ARL17A: variants seen among roughly 807,000 people sequenced by gnomAD.
ARL17A encodes the protein ARF like GTPase 17A, also known as ADP-ribosylation factor-like 17-like.
chr17:46,539,371 GA>G (rs2054848026), intron 3 of ARL17A, among the ~76,000 whole-genome samples: 1 of 136,368 alleles, frequency 7.3e-6, no homozygotes, highest in African/African-American at 2.8e-5. Context: ...CCTCCTCTTA[GA>G]TTTATTCCTT....
the ARL17A span, among the ~76,000 whole-genome samples, chr17:46,501,598 T>G: frequency 6.6e-6 from 1 of 151,262 alleles, no homozygotes; most frequent in African/African-American, 2.5e-5. Context: ...TATTTGGAAC[T>G]CCCTTCAGTT....
rs1314544237 is a variant in ARL17A at position 46,568,984 on chromosome 17, C to G, written c.259+1775G>C. Among the ~76,000 whole-genome samples the G allele has an allele frequency of 3.1e-5, 4 of 130,596 alleles. No individual in the cohort carries two copies. The East Asian group carries it at 6.4e-4, about 21-fold the overall frequency. The allele number at this position is 130,596 out of a possible 152,430, so 85.7% of individuals were successfully genotyped here. On this transcript the variant is annotated intron_variant, in intron 3 of 3. Coordinates refer to ENST00000336125, the MANE Select transcript of ARL17A (RefSeq NM_001113738.2). ...TTGAGATGGAGTCTCGCCCTGTCGCCCAGGCTGGGGTGCAATGGCGCAATC... is the reference window on the plus strand; with the variant it reads ...TTGAGATGGAGTCTCGCCCTGTCGCGCAGGCTGGGGTGCAATGGCGCAATC...
chr17:46,548,795 C>T (rs1285545954), downstream of ARL17A: 3 of 1,611,804 alleles, frequency 1.9e-6, no homozygotes, highest in Non-Finnish European at 2.5e-6. Context: ...CAGCCCCACA[C>T]ACAGCAGGGG....
chr17:46,502,131 CTT>C, the ARL17A span, among the ~76,000 whole-genome samples: 1 of 151,106 alleles, frequency 6.6e-6, no homozygotes, highest in Non-Finnish European at 1.5e-5. Context: ...ACTTCATAAG[CTT>C]TAGATTTTGA....
chr17:46,500,746 T>C, the ARL17A span, among the ~76,000 whole-genome samples: 1 of 151,244 alleles, frequency 6.6e-6, no homozygotes, highest in African/African-American at 2.5e-5. Flanking sequence ...TAGCAAAGTT[T>C]GAAGATAACT....
intron 4 of ARL17A, among the ~76,000 whole-genome samples, chr17:46,532,797 T>C (rs1222450864): frequency 6.7e-6 from 1 of 149,128 alleles, no homozygotes; most frequent in Non-Finnish European, 1.5e-5. Context: ...TTTCTAGTTT[T>C]AATAATTTGG....
intron 4 of ARL17A, among the ~76,000 whole-genome samples, chr17:46,537,077 ATTTTTTT>A (rs766255014): frequency 5.6e-3 from 194 of 34,798 alleles, no homozygotes; most frequent in Middle Eastern, 0.018. Flanking sequence ...ATTGTGGTCA[ATTTTTTT>A]TTTTTTTTTT....
chr17:46,521,057 C>A (rs563799082), intron 3 of ARL17A, among the ~76,000 whole-genome samples: 1,999 of 79,778 alleles, frequency 0.025, 668 homozygotes, highest in Middle Eastern at 0.098. Context: ...ACTGGTAGAG[C>A]TAGAAATGTT....
downstream of ARL17A, among the ~76,000 whole-genome samples, chr17:46,525,614 A>AATAATCATC (rs1363048681): frequency 8.7e-6 from 1 of 114,442 alleles, no homozygotes; most frequent in Non-Finnish European, 2.0e-5. Context: ...TAATAATAAT[A>AATAATCATC]ATCATCATCA....
rs2056915518 is a variant in ARL17A at position 46,552,803 on chromosome 17, A to T, written c.*4553T>A. On this transcript the variant is annotated 3_prime_UTR_variant, in exon 4 of 4. Transcript: ENST00000336125. ...TTTTATTAGTGATGACTTAAATTAC[A>T]TGGGGCCAGGCATGGTGGCTCACAC... The T allele has an allele frequency of 7.5e-6, 1 of 132,656 alleles. No homozygotes were observed. Among genetic ancestry groups the T allele is most frequent in the African/African-American group, 3.2e-5 (1 of 31,014 alleles). 8.2% of individuals were successfully genotyped at this position (132,656 alleles called of 1,614,324 possible).
chr17:46,504,927 AATTG>A, the ARL17A span, among the ~76,000 whole-genome samples: 4 of 106,338 alleles, frequency 3.8e-5, no homozygotes, highest in African/African-American at 1.6e-4. Flanking sequence ...TTATTTAATA[AATTG>A]ATTTATTAAT....
At chr17:46,501,013 C>G in the ARL17A span, among the ~76,000 whole-genome samples, 16 of 151,136 alleles carry the variant, frequency 1.1e-4, 1 homozygote. Flanking sequence ...GACCCCGTCT[C>G]TACTAAAAAT....
At chr17:46,540,455 C>T (rs1202943700) in intron 3 of ARL17A, among the ~76,000 whole-genome samples, 1 of 146,906 alleles carries the variant, frequency 6.8e-6, no homozygotes, top group Non-Finnish European at 1.5e-5. Context: ...CATTGAAGAA[C>T]CCATATAGAT....
intron 3 of ARL17A, among the ~76,000 whole-genome samples, chr17:46,569,296 A>G (rs1266695871): frequency 6.7e-6 from 1 of 149,760 alleles, no homozygotes; most frequent in Non-Finnish European, 1.5e-5. Context: ...ACTAGGTGCT[A>G]GATATTAAAG....
At position 46,552,871 on chromosome 17, in the gene ARL17A, T is replaced by C. The variant is rs1315429064; in HGVS notation, c.*4485A>G. 7.0e-6 allele frequency among the ~76,000 whole-genome samples: 1 copy of C among 142,942 alleles called. No homozygotes were observed. Among genetic ancestry groups the C allele is most frequent in the East Asian group, 2.0e-4 (1 of 4,886 alleles). 93.8% of individuals were successfully genotyped at this position (142,942 alleles called of 152,430 possible). ...TGGGAGGCCAACCTGGGCAGCATAGTGAGACCTTGTCTTTATTAAAAATTA... is the reference window on the plus strand; with the variant it reads ...TGGGAGGCCAACCTGGGCAGCATAGCGAGACCTTGTCTTTATTAAAAATTA... On this transcript the variant is annotated 3_prime_UTR_variant, in exon 4 of 4. Transcript: ENST00000336125.
chr17:46,503,030 G>A, the ARL17A span, among the ~76,000 whole-genome samples: 1 of 150,670 alleles, frequency 6.6e-6, no homozygotes, highest in Non-Finnish European at 1.5e-5. Context: ...GGCTAACACG[G>A]TGAAACCCCA....
chr17:46,557,995 A>C (rs1471650057), intron 3 of ARL17A, among the ~76,000 whole-genome samples: 1 of 135,082 alleles, frequency 7.4e-6, no homozygotes. Flanking sequence ...ATTGGAGAAA[A>C]CTTAGCCCTC....
At chr17:46,558,217 G>T (rs1222793700) in intron 3 of ARL17A, among the ~76,000 whole-genome samples, 5 of 102,714 alleles carry the variant, frequency 4.9e-5, no homozygotes, top group Admixed American at 4.0e-4. Context: ...GCACCACCAT[G>T]CCCGGCTAAT....
chr17:46,548,156 T>G, downstream of ARL17A: 1 of 166,440 alleles, frequency 6.0e-6, no homozygotes, highest in East Asian at 1.4e-4. Context: ...TTGTTGCCAT[T>G]TCATAGGTTT....
Sources: gnomAD v4.1 joint callset for allele counts (sites outside exome capture counted in the v4.1 genomes callset) on GRCh38, gnomAD v4.1.1 for gene constraint, MANE v1.5 for transcripts, NCBI Gene and HGNC (gene_info 2026-07-23, HGNC 2026-07-21) for gene names.